MCTP1: variants seen among roughly 807,000 people sequenced by gnomAD.
MCTP1 encodes multiple C2 and transmembrane domain containing 1.
In MCTP1, 69 loss-of-function variants were observed where a neutral mutation model predicts 120.6. That is an observed-to-expected ratio of 0.57 (90% CI 0.47 to 0.70). The LOEUF is 0.70. Ranked by LOEUF, MCTP1 falls within the 30% of genes least tolerant of loss-of-function variation. The pLI is 0.00. For missense variants in MCTP1, 1,203 were observed against 1,248.8 expected (o/e 0.96, Z 0.55); for synonymous variants, 529 against 493.1 (o/e 1.07, Z -0.96).
chr5:95,210,006 T>C (rs1481443996), intron 1 of MCTP1, among the ~76,000 whole-genome samples: 2 of 152,190 alleles, frequency 1.3e-5, no homozygotes, highest in East Asian at 1.9e-4. Flanking sequence ...TAATCCTGAG[T>C]TCTAGTTTGA....
chr5:94,942,469 A>C, intron 3 of MCTP1, 42 bp from the exon 4 acceptor site: 2 of 1,386,018 alleles, frequency 1.4e-6, no homozygotes, highest in Non-Finnish European at 2.0e-6. Flanking sequence ...AAATATCTCC[A>C]ATATAAGCTT....
At chr5:94,766,520 C>T (rs754909888) in intron 19 of MCTP1, among the ~76,000 whole-genome samples, 24 of 151,702 alleles carry the variant, frequency 1.6e-4, no homozygotes, top group Non-Finnish European at 3.1e-4. Context: ...CAGGGCCTGT[C>T]ATGGGGTTGG....
At chr5:94,878,720 G>A (rs1262394513) in intron 12 of MCTP1, among the ~76,000 whole-genome samples, 1 of 151,974 alleles carries the variant, frequency 6.6e-6, no homozygotes, top group Non-Finnish European at 1.5e-5. Context: ...GAACAGAAAA[G>A]GGAAATGTGT....
chr5:94,718,286 G>A (rs904484713), intron 19 of MCTP1, among the ~76,000 whole-genome samples: 2 of 152,128 alleles, frequency 1.3e-5, no homozygotes, highest in African/African-American at 4.8e-5. Context: ...TAAAAACAGT[G>A]CTGGGAAAAC....
intron 2 of MCTP1, among the ~76,000 whole-genome samples, chr5:94,981,047 A>T (rs537380672): frequency 1.3e-5 from 2 of 152,308 alleles, no homozygotes; most frequent in South Asian, 4.1e-4. Context: ...TAAGTGTTTA[A>T]TGTGACAAGT....
chr5:94,830,687 T>C (rs1788312213), intron 17 of MCTP1, among the ~76,000 whole-genome samples: 1 of 152,220 alleles, frequency 6.6e-6, no homozygotes, highest in African/African-American at 2.4e-5. Context: ...GGAGGAAATA[T>C]ATAATTGAGA....
At chr5:94,948,690 T>C (rs1210385289) in intron 3 of MCTP1, among the ~76,000 whole-genome samples, 2 of 152,114 alleles carry the variant, frequency 1.3e-5, no homozygotes, top group Admixed American at 1.3e-4. Context: ...GAATAACCTA[T>C]TGAGGTGTTT....
At chr5:95,077,273 A>G (rs114904324) in intron 1 of MCTP1, among the ~76,000 whole-genome samples, 1 of 152,292 alleles carries the variant, frequency 6.6e-6, no homozygotes, top group Admixed American at 6.5e-5. Context: ...TATTTTCTTC[A>G]TAATAAATTA....
chr5:95,254,638 T>C (rs1349836253), intron 1 of MCTP1, among the ~76,000 whole-genome samples: 2 of 152,204 alleles, frequency 1.3e-5, no homozygotes, highest in Non-Finnish European at 2.9e-5. Flanking sequence ...ATGGATACTA[T>C]GTTAAGATGC....
chr5:94,947,156 T>A (rs188706140), intron 3 of MCTP1, among the ~76,000 whole-genome samples: 3 of 152,272 alleles, frequency 2.0e-5, no homozygotes, highest in Non-Finnish European at 2.9e-5. Context: ...ATCTCCTCCC[T>A]GTGATACCGT....
intron 1 of MCTP1, among the ~76,000 whole-genome samples, chr5:95,246,247 C>T (rs1288608374): frequency 2.0e-5 from 3 of 152,142 alleles, no homozygotes; most frequent in Admixed American, 6.5e-5. Context: ...AGACCATTGA[C>T]GCTATGAAGA....
At chr5:94,874,712 C>A (rs1798472673) in intron 12 of MCTP1, among the ~76,000 whole-genome samples, 1 of 152,116 alleles carries the variant, frequency 6.6e-6, no homozygotes, top group East Asian at 1.9e-4. Context: ...ACTCACACAC[C>A]CCATGGAAGA....
At chr5:95,078,773 T>A (rs1300804768) in intron 1 of MCTP1, among the ~76,000 whole-genome samples, 4 of 152,126 alleles carry the variant, frequency 2.6e-5, no homozygotes, top group Non-Finnish European at 5.9e-5. Flanking sequence ...TTGTGTGATG[T>A]CAGGAATAAC....
intron 17 of MCTP1, among the ~76,000 whole-genome samples, chr5:94,840,101 T>C (rs1284709395): frequency 6.6e-6 from 1 of 152,078 alleles, no homozygotes; most frequent in Admixed American, 6.6e-5. Flanking sequence ...TAACCTGGAA[T>C]CACCGTCAAT....
At position 94,871,342 on chromosome 5, in the gene MCTP1, C is replaced by T. The variant is rs1797825813; in HGVS notation, c.2112G>A (p.Leu704=). ...ACAGCAATGGTATAGCAACTTTGCC[C>T]AGAAAGTCAGCACTTCGATCCCGAT... ...DEDRDRSADF[L]GKVAIPLLSI... is the part of the protein sequence containing the mutation. Residue 704 remains leucine, a synonymous_variant, in exon 14 of 23, where the codon CTG becomes CTA. Transcript: ENST00000515393. 1 of 1,611,504 alleles carries T rather than the reference C, an allele frequency of 6.2e-7. No individual in the cohort carries two copies. Among genetic ancestry groups the T allele is most frequent in the Non-Finnish European group, 8.5e-7 (1 of 1,178,414 alleles).
At chr5:94,740,932 C>A (rs189164629) in intron 19 of MCTP1, among the ~76,000 whole-genome samples, 2 of 152,088 alleles carry the variant, frequency 1.3e-5, no homozygotes, top group Non-Finnish European at 2.9e-5. Flanking sequence ...ACACAGGTTG[C>A]GGAAACACAC....
At chr5:94,940,951 G>T (rs1411687733) in intron 4 of MCTP1, among the ~76,000 whole-genome samples, 4 of 151,780 alleles carry the variant, frequency 2.6e-5, no homozygotes, top group Admixed American at 6.6e-5. Context: ...TTAAAAAGTA[G>T]TAATTAGATG....
intron 19 of MCTP1, among the ~76,000 whole-genome samples, chr5:94,776,652 T>C (rs1775397201): frequency 6.6e-6 from 1 of 152,094 alleles, no homozygotes; most frequent in Non-Finnish European, 1.5e-5. Context: ...CTTACTATTA[T>C]ACCATATGAG....
intron 1 of MCTP1, among the ~76,000 whole-genome samples, chr5:95,230,702 A>G (rs1436539208): frequency 6.6e-6 from 1 of 152,218 alleles, no homozygotes; most frequent in Non-Finnish European, 1.5e-5. Context: ...TAGCGTTCTG[A>G]TAATGGAACA....
Sources: allele counts gnomAD v4.1 joint callset (sites outside exome capture counted in the v4.1 genomes callset), GRCh38; gene constraint gnomAD v4.1.1; transcripts MANE v1.5; gene names NCBI Gene and HGNC (gene_info 2026-07-23, HGNC 2026-07-21).